SLA: variants seen among roughly 807,000 people sequenced by gnomAD.
SLA encodes the protein Src like adaptor, also known as src-like-adapter.
In SLA, 16 loss-of-function variants were observed where a neutral mutation model predicts 30.3. The ratio of observed to expected loss-of-function variants is 0.53; its 90% confidence interval spans 0.36 to 0.80. The LOEUF is 0.80. Ranked by LOEUF, SLA falls within the 30% of genes least tolerant of loss-of-function variation. The pLI, the probability that SLA is intolerant of heterozygous loss-of-function variation, is 0.01. For missense variants in SLA, 310 were observed against 345.2 expected (o/e 0.90, Z 0.81); for synonymous variants, 143 against 137.8 (o/e 1.04, Z -0.26).
chr8:133,050,792 A>T, intron 4 of SLA, 24 bp downstream of exon 4: 1 of 1,452,036 alleles, frequency 6.9e-7, no homozygotes. Flanking sequence ...TGAAGATTGC[A>T]CAAGTTTTGG....
chr8:133,050,938 G>C (rs376454619), intron 3 of SLA, 23 bp from the exon 4 acceptor site: 1 of 1,448,140 alleles, frequency 6.9e-7, no homozygotes, highest in East Asian at 2.3e-5. Context: ...AGGCAAGGGG[G>C]AAGGGGGCAA....
At position 133,061,647 on chromosome 8, in the gene SLA, G is replaced by A. The variant is rs560298846; in HGVS notation, c.-40-1447C>T. Among the ~76,000 whole-genome samples the A allele has an allele frequency of 1.4e-4, 22 of 152,266 alleles. No individual in the cohort carries two copies. The South Asian group carries it at 4.4e-3, about 30-fold the overall frequency. ...GGGTCAAAGAGAAGAGACGGAACAG[G>A]GTCCCCCCATCGGCCTCCAGCCCAA... On this transcript the variant is annotated intron_variant, in intron 2 of 8. Coordinates refer to ENST00000338087, the MANE Select transcript of SLA (RefSeq NM_001045556.3).
chr8:133,045,392 T>C (rs1839154084), intron 6 of SLA, among the ~76,000 whole-genome samples: 4 of 134,254 alleles, frequency 3.0e-5, no homozygotes, highest in South Asian at 5.3e-4. Flanking sequence ...CTTTGCTTTT[T>C]TTTTTTTTTT....
At chr8:133,042,727 T>A (rs79777246) in intron 7 of SLA, among the ~76,000 whole-genome samples, 2 of 137,096 alleles carry the variant, frequency 1.5e-5, no homozygotes, top group African/African-American at 5.5e-5. Context: ...GGAGTCTTGC[T>A]CTGCCACACA....
chr8:133,095,753 G>T (rs1265587515), intron 1 of SLA, among the ~76,000 whole-genome samples: 1 of 152,218 alleles, frequency 6.6e-6, no homozygotes, highest in African/African-American at 2.4e-5. Flanking sequence ...AATTGTCATG[G>T]CAATTGATGG....
intron 1 of SLA, chr8:133,095,288 T>C: frequency 3.1e-6 from 5 of 1,595,268 alleles, no homozygotes; most frequent in Non-Finnish European, 1.7e-6. Flanking sequence ...GAAGGAGGTG[T>C]CACCCACCCC....
At chr8:133,097,929 G>A (rs1471394064) in intron 1 of SLA, among the ~76,000 whole-genome samples, 1 of 152,174 alleles carries the variant, frequency 6.6e-6, no homozygotes, top group African/African-American at 2.4e-5. Context: ...CAGCGATAGA[G>A]TTCTCTCTGA....
In SLA at chr8:133,040,084, T is replaced by C; in HGVS notation, c.531A>G (p.Thr177=). ...LCCVLTTPCL[T]QSTAAPAVRA... ...TCACTGCTGGGGCAGCCGTGCTTTG[T>C]GTCAGGCAGGGCGTGGTGAGCACAC... is the stretch of plus-strand genomic sequence containing the variant. The change falls in exon 8 of 9, where the codon ACA becomes ACG. Residue 177 remains threonine (T), a synonymous_variant. Transcript: ENST00000338087. The C allele has an allele frequency of 6.4e-7, 1 of 1,564,460 alleles. No individual in the cohort carries two copies. The highest frequency in any genetic ancestry group is 2.4e-5 in the East Asian group (1 of 42,276).
chr8:133,092,957 C>G (rs1388489579), intron 1 of SLA, among the ~76,000 whole-genome samples: 1 of 152,176 alleles, frequency 6.6e-6, no homozygotes, highest in African/African-American at 2.4e-5. Context: ...CTCACCATAT[C>G]AGGATCCCTG....
At chr8:133,041,737 A>G (rs1838279432) in intron 7 of SLA, among the ~76,000 whole-genome samples, 1 of 151,462 alleles carries the variant, frequency 6.6e-6, no homozygotes, top group South Asian at 2.1e-4. Context: ...GCACTGAGCT[A>G]GCCTCGTACC....
chr8:133,060,412 G>A, intron 2 of SLA: 3 of 1,497,838 alleles, frequency 2.0e-6, no homozygotes, highest in Admixed American at 5.1e-5. Context: ...AAACCACAGA[G>A]AGGGAAGTTG....
chr8:133,097,729 T>A (rs933899115), intron 1 of SLA, among the ~76,000 whole-genome samples: 1 of 152,192 alleles, frequency 6.6e-6, no homozygotes, highest in Non-Finnish European at 1.5e-5. Context: ...GATGTAGAGA[T>A]GTGAGAAAGA....
At chr8:133,093,140 T>TTTTC (rs1491568058) in intron 1 of SLA, among the ~76,000 whole-genome samples, 14 of 77,990 alleles carry the variant, frequency 1.8e-4, no homozygotes, top group East Asian at 8.0e-4. Flanking sequence ...TTTTCTTTTC[T>TTTTC]TTTTTTTTTT....
At chr8:133,061,416 C>T (rs1055942750) in intron 2 of SLA, among the ~76,000 whole-genome samples, 6 of 151,996 alleles carry the variant, frequency 3.9e-5, no homozygotes, top group African/African-American at 4.8e-5. Flanking sequence ...TTGAACGTGG[C>T]GTGGCATAGA....
At chr8:133,096,380 A>G (rs1848415826) in intron 1 of SLA, 1 of 1,614,068 alleles carries the variant, frequency 6.2e-7, no homozygotes, top group Non-Finnish European at 8.5e-7. Flanking sequence ...GAAGGTAAGC[A>G]GGGAGGGGGC....
intron 1 of SLA, among the ~76,000 whole-genome samples, chr8:133,093,146 T>TTCTTTTCTTTTCTTTTC (rs879559542): frequency 1.2e-3 from 161 of 139,082 alleles, no homozygotes; most frequent in African/African-American, 4.1e-3. Flanking sequence ...TTTCTTTTTT[T>TTCTTTTCTTTTCTTTTC]TTTTTAATTT....
intron 1 of SLA, among the ~76,000 whole-genome samples, chr8:133,099,982 C>T (rs977850891): frequency 2.0e-5 from 3 of 152,204 alleles, no homozygotes; most frequent in Admixed American, 1.3e-4. Context: ...TTTTACTCCT[C>T]TGCTCCAAGC....
At chr8:133,040,420 C>T (rs1005580662) in intron 7 of SLA, 14 of 354,218 alleles carry the variant, frequency 4.0e-5, no homozygotes, top group South Asian at 5.5e-5. Flanking sequence ...AGCTTTACCC[C>T]GATAGTAAAT....
chr8:133,053,507 C>T (rs79595449), intron 3 of SLA, among the ~76,000 whole-genome samples: 3,752 of 152,220 alleles, frequency 0.025, 157 homozygotes, highest in African/African-American at 0.082. Context: ...TGGGAGGCAG[C>T]TGGGTAGGTG....
Sources: allele counts gnomAD v4.1 joint callset (sites outside exome capture counted in the v4.1 genomes callset), GRCh38; gene constraint gnomAD v4.1.1; transcripts MANE v1.5; gene names NCBI Gene and HGNC (gene_info 2026-07-23, HGNC 2026-07-21).